IPCEF1: variants seen among roughly 807,000 people sequenced by gnomAD.
IPCEF1 encodes interaction protein for cytohesin exchange factors 1.
Under a neutral mutation model 50.9 loss-of-function variants are expected in IPCEF1, and 31 were observed. The observed-to-expected ratio is 0.61, with a 90% CI of 0.46 to 0.82. The LOEUF (loss-of-function observed/expected upper bound fraction) is 0.82, where lower values mean the gene tolerates loss of function less well. IPCEF1 is among the 40% of genes least tolerant of loss of function. IPCEF1 has a pLI of 0.00. For missense variants in IPCEF1, 458 were observed against 514.0 expected (o/e 0.89, Z 1.05); for synonymous variants, 181 against 192.0 (o/e 0.94, Z 0.47).
chr6:154,282,588 G>A (rs1782249919), intron 2 of IPCEF1, among the ~76,000 whole-genome samples: 1 of 152,192 alleles, frequency 6.6e-6, no homozygotes, highest in African/African-American at 2.4e-5. Context: ...TTGGGAGGCT[G>A]AGGCAGGAGA....
chr6:154,323,075 G>A (rs1783430182), intron 1 of IPCEF1, among the ~76,000 whole-genome samples: 1 of 152,158 alleles, frequency 6.6e-6, no homozygotes, highest in African/African-American at 2.4e-5. Flanking sequence ...TCCAGCAGGT[G>A]TTGTCAGCTC....
intron 1 of IPCEF1, among the ~76,000 whole-genome samples, chr6:154,333,968 T>C (rs973886360): frequency 3.3e-5 from 5 of 152,142 alleles, no homozygotes; most frequent in Non-Finnish European, 5.9e-5. Context: ...CATCTTCATG[T>C]ACAACGGATA....
intron 1 of IPCEF1, among the ~76,000 whole-genome samples, chr6:154,313,604 T>C (rs1783138794): frequency 6.6e-6 from 1 of 152,320 alleles, no homozygotes; most frequent in South Asian, 2.1e-4. Flanking sequence ...TCAATCACTG[T>C]TCTAGTTATT....
chr6:154,160,018 A>G lies in IPCEF1; in HGVS notation c.1127T>C (p.Met376Thr). The G allele has an allele frequency of 6.2e-7, 1 of 1,611,986 alleles. No individual in the cohort carries two copies. Among genetic ancestry groups the G allele is most frequent in the Non-Finnish European group, 8.5e-7 (1 of 1,179,814 alleles). ...CGGGTCATCCAGCAACTGGTTAATC[A>G]TGGCCAGATCATGTTCTTTACACTG... ...TLKCKEHDLA[M>T]INQLLDDPKL... is the part of the protein sequence containing the mutation. Residue 376 changes from methionine (M) to threonine (T), a missense_variant, in exon 12 of 12, where the codon ATG becomes ACG. Coordinates refer to ENST00000367220, the MANE Select transcript of IPCEF1 (RefSeq NM_001130700.2).
chr6:154,172,847 A>G (rs1799987194), intron 10 of IPCEF1, among the ~76,000 whole-genome samples: 3 of 152,196 alleles, frequency 2.0e-5, no homozygotes, highest in African/African-American at 7.2e-5. Flanking sequence ...TAACGGACAG[A>G]CCACTTCCTC....
chr6:154,222,898 G>A, intron 6 of IPCEF1: 1 of 471,904 alleles, frequency 2.1e-6, no homozygotes, highest in East Asian at 3.8e-5. Context: ...TCCTGGAGGG[G>A]GTTTATTCCA....
intron 11 of IPCEF1, among the ~76,000 whole-genome samples, chr6:154,163,326 T>G (rs1288223604): frequency 6.6e-6 from 1 of 152,194 alleles, no homozygotes; most frequent in East Asian, 1.9e-4. Flanking sequence ...TTTTGTTCCT[T>G]TTGCCTGAAA....
At chr6:154,234,795 T>G (rs1301131271) in intron 5 of IPCEF1, among the ~76,000 whole-genome samples, 1 of 152,250 alleles carries the variant, frequency 6.6e-6, no homozygotes, top group Admixed American at 6.5e-5. Flanking sequence ...TAGTGAACTT[T>G]CAGGTAGTCT....
intron 10 of IPCEF1, among the ~76,000 whole-genome samples, chr6:154,175,167 A>G (rs1450580168): frequency 6.6e-6 from 1 of 152,236 alleles, no homozygotes; most frequent in Non-Finnish European, 1.5e-5. Context: ...GGACACATTT[A>G]AAGCAGTGTT....
chr6:154,161,544 C>T (rs905508060), intron 11 of IPCEF1, among the ~76,000 whole-genome samples: 1 of 152,094 alleles, frequency 6.6e-6, no homozygotes, highest in African/African-American at 2.4e-5. Context: ...TAAATCTATA[C>T]TTGAGGCATC....
At chr6:154,296,974 G>A (rs993601352) in intron 1 of IPCEF1, among the ~76,000 whole-genome samples, 10 of 152,278 alleles carry the variant, frequency 6.6e-5, no homozygotes, top group Admixed American at 4.6e-4. Flanking sequence ...CTAAATGTGC[G>A]ATATAAGATG....
chr6:154,294,976 A>G (rs1004384589), intron 1 of IPCEF1, among the ~76,000 whole-genome samples: 2 of 150,342 alleles, frequency 1.3e-5, no homozygotes, highest in Non-Finnish European at 3.0e-5. Context: ...AGGCGGGCAC[A>G]TTATGAGGTC....
intron 7 of IPCEF1, among the ~76,000 whole-genome samples, chr6:154,215,261 AC>A (rs1324951014): frequency 6.6e-6 from 1 of 151,396 alleles, no homozygotes; most frequent in African/African-American, 2.4e-5. Flanking sequence ...TCCTTACGCA[AC>A]CCTCAACCTG....
intron 2 of IPCEF1, among the ~76,000 whole-genome samples, chr6:154,281,182 TACAAAAA>T (rs1782199888): frequency 5.3e-5 from 1 of 18,852 alleles, no homozygotes; most frequent in African/African-American, 1.9e-4. Context: ...CCTACTAAAA[TACAAAAA>T]AAAAAAAAAA....
At chr6:154,346,080 G>A (rs1562297552) in intron 1 of IPCEF1, among the ~76,000 whole-genome samples, 1 of 152,104 alleles carries the variant, frequency 6.6e-6, no homozygotes, top group South Asian at 2.1e-4. Context: ...ATGTTTCCCA[G>A]GCTGGTGTCA....
intron 1 of IPCEF1, among the ~76,000 whole-genome samples, chr6:154,322,415 G>A (rs930207453): frequency 3.3e-5 from 5 of 149,486 alleles, no homozygotes; most frequent in African/African-American, 1.0e-4. Flanking sequence ...CCTATGTTTG[G>A]GAACAATGCA....
At chr6:154,190,229 T>C (rs925313502) in intron 10 of IPCEF1, among the ~76,000 whole-genome samples, 1 of 152,102 alleles carries the variant, frequency 6.6e-6, no homozygotes, top group African/African-American at 2.4e-5. Flanking sequence ...TTAAAAATAT[T>C]ATTCATATAC....
chr6:154,319,686 T>C (rs1783322762), intron 1 of IPCEF1, among the ~76,000 whole-genome samples: 1 of 152,204 alleles, frequency 6.6e-6, no homozygotes, highest in African/African-American at 2.4e-5. Context: ...CGGGGAAACA[T>C]CTTATTTAAA....
chr6:154,194,063 C>T (rs1456029947), intron 10 of IPCEF1, among the ~76,000 whole-genome samples: 1 of 152,146 alleles, frequency 6.6e-6, no homozygotes, highest in Admixed American at 6.5e-5. Flanking sequence ...GTACTTAACG[C>T]CCAGGGCAGA....
Sources: gnomAD v4.1 joint callset for allele counts (sites outside exome capture counted in the v4.1 genomes callset) on GRCh38, gnomAD v4.1.1 for gene constraint, MANE v1.5 for transcripts, NCBI Gene and HGNC (gene_info 2026-07-23, HGNC 2026-07-21) for gene names.